The following PCOLCE2 variants were observed in gnomAD, a reference collection of about 807,000 sequenced individuals.
The protein encoded by PCOLCE2 is procollagen C-endopeptidase enhancer 2, also known as procollagen C-proteinase enhancer 2.
A neutral mutation model predicts 47.0 loss-of-function variants in PCOLCE2; 42 were observed. The observed-to-expected ratio is 0.89, with a 90% CI of 0.70 to 1.16. The LOEUF (loss-of-function observed/expected upper bound fraction) is 1.16, where lower values mean the gene tolerates loss of function less well. PCOLCE2 is among the 50% of genes most tolerant of loss of function. PCOLCE2 has a pLI of 0.00. For missense variants in PCOLCE2, 500 were observed against 526.1 expected (o/e 0.95, Z 0.49); for synonymous variants, 169 against 191.7 (o/e 0.88, Z 0.98).
chr3:142,866,948 T>C (rs75904174), intron 2 of PCOLCE2, among the ~76,000 whole-genome samples: 7,005 of 152,266 alleles, frequency 0.046, 195 homozygotes, highest in African/African-American at 0.073. Flanking sequence ...TTGCCGCGTG[T>C]GCAGGTAACA....
chr3:142,819,633 A>T (rs985767863), intron 8 of PCOLCE2, among the ~76,000 whole-genome samples: 3 of 152,128 alleles, frequency 2.0e-5, no homozygotes, highest in Non-Finnish European at 2.9e-5. Context: ...TTCACAGTAA[A>T]GCTTGCTTTA....
At chr3:142,834,985 C>G (rs1408607484) in intron 5 of PCOLCE2, among the ~76,000 whole-genome samples, 2 of 151,736 alleles carry the variant, frequency 1.3e-5, no homozygotes, top group Non-Finnish European at 2.9e-5. Context: ...GATCATTTGG[C>G]AAATATGGCT....
chr3:142,818,812 C>T (rs994183865), intron 8 of PCOLCE2, among the ~76,000 whole-genome samples: 8 of 152,328 alleles, frequency 5.3e-5, no homozygotes, highest in African/African-American at 1.2e-4. Context: ...ATTTCAGCTA[C>T]GCTAACACCA....
intron 2 of PCOLCE2, among the ~76,000 whole-genome samples, chr3:142,860,428 G>C (rs1250577975): frequency 7.3e-6 from 1 of 136,656 alleles, no homozygotes; most frequent in African/African-American, 3.6e-5. Context: ...TTGCCTTTTT[G>C]TTGTTGTTGT....
chr3:142,887,673 ATTT>A lies in PCOLCE2; in HGVS notation c.185_187del (p.Lys62del). 6.5e-7 allele frequency: 1 copy of A among 1,536,404 alleles called. No homozygotes were observed. The highest frequency in any genetic ancestry group is 9.0e-7 in the Non-Finnish European group (1 of 1,109,586). Reference sequence around the variant, plus strand: ...ACCTTTTTAAAAAATGCTTACTGTGATTTTCCAAGTACATTTGCTATTTGGAGG... The same window carrying A: ...ACCTTTTTAAAAAATGCTTACTGTGATCCAAGTACATTTGCTATTTGGAGG... On this transcript the variant is annotated inframe_deletion, in exon 2 of 9. Transcript: ENST00000295992.
rs893883 is a variant in PCOLCE2, at chr3:142,848,485, G to A, written c.193-13C>T. ...TTCCTTCGGGAACCTGCCAAGAAAA[G>A]CGCCAATTAGAAAACTGTCATGAAA... On this transcript the variant is annotated splice_polypyrimidine_tract_variant and intron_variant, in intron 2 of 8. Coordinates refer to ENST00000295992, the MANE Select transcript of PCOLCE2 (RefSeq NM_013363.4). The A allele has an allele frequency of 0.63, 1,004,512 of 1,583,462 alleles. 324,155 individuals carry two copies. The highest frequency in any genetic ancestry group is 0.66 in the Non-Finnish European group (770,499 of 1,159,256).
intron 2 of PCOLCE2, among the ~76,000 whole-genome samples, chr3:142,860,228 A>G (rs140196752): frequency 1.4e-4 from 22 of 152,236 alleles, no homozygotes; most frequent in African/African-American, 5.1e-4. Flanking sequence ...AATATATTAT[A>G]TGCTTATGCT....
At chr3:142,848,582 T>A in intron 2 of PCOLCE2, 110 bp from the exon 3 acceptor site, 1 of 973,852 alleles carries the variant, frequency 1.0e-6, no homozygotes, top group Non-Finnish European at 1.5e-6. Context: ...ATAATGCTTT[T>A]TCCTCTCTCA....
At position 142,842,980 on chromosome 3, in the gene PCOLCE2, G is replaced by T. The variant is rs762365871; in HGVS notation, c.517C>A (p.Arg173=). The T allele has an allele frequency of 6.2e-7, 1 of 1,613,872 alleles. No homozygotes were observed. Among genetic ancestry groups the T allele is most frequent in the Admixed American group, 1.7e-5 (1 of 60,020 alleles). ...CAAGTGACTCCTGCAGGGTAATCCCGGTCTGGCCAGTTGGGGGTTTTAAAA... is the reference window on the plus strand; with the variant it reads ...CAAGTGACTCCTGCAGGGTAATCCCTGTCTGGCCAGTTGGGGGTTTTAAAA... ...GSFKTPNWPD[R]DYPAGVTCVW... is the part of the protein sequence containing the mutation. The change falls in exon 4 of 9, where the codon CGG becomes AGG. Residue 173 remains arginine, a synonymous_variant. Transcript: ENST00000295992. The surrounding 1 kb of genome is among the most constrained non-coding windows in gnomAD (Gnocchi z 4.1).
chr3:142,831,272 A>G (rs1351425050), intron 5 of PCOLCE2, among the ~76,000 whole-genome samples: 1 of 152,204 alleles, frequency 6.6e-6, no homozygotes, highest in Non-Finnish European at 1.5e-5. Flanking sequence ...ATTAATGGGC[A>G]ATCACGGGAG....
intron 7 of PCOLCE2, among the ~76,000 whole-genome samples, chr3:142,822,397 A>C (rs887610984): frequency 1.3e-5 from 2 of 152,164 alleles, no homozygotes; most frequent in Non-Finnish European, 2.9e-5. Context: ...GTAAGCGGTC[A>C]CATTAATGGA....
chr3:142,818,149 G>A lies in PCOLCE2; in HGVS notation c.*186C>T, dbSNP rs1439721064. On this transcript the variant is annotated 3_prime_UTR_variant, in exon 9 of 9. Transcript: ENST00000295992. Reference sequence around the variant, plus strand: ...TCAGATAGCTGCTCCTCTGACAGCAGGCAAAGAACTTCCCTCAGCTATCTC... The same window carrying A: ...TCAGATAGCTGCTCCTCTGACAGCAAGCAAAGAACTTCCCTCAGCTATCTC... 1 of 508,056 alleles carries A rather than the reference G, an allele frequency of 2.0e-6. No homozygotes were observed. The allele number at this position is 508,056 out of a possible 1,614,324, so 31.5% of individuals were successfully genotyped here. A position where few individuals can be genotyped will look rare whatever the true frequency, so the allele number is the denominator to read the frequency against.
In PCOLCE2 at chr3:142,848,476, C is replaced by T. The variant is rs1378778009; in HGVS notation, c.193-4G>A. ...CGACTACTTTTCCTTCGGGAACCTGCCAAGAAAAGCGCCAATTAGAAAACT... is the reference window on the plus strand; with the variant it reads ...CGACTACTTTTCCTTCGGGAACCTGTCAAGAAAAGCGCCAATTAGAAAACT... On this transcript the variant is annotated splice_polypyrimidine_tract_variant and splice_region_variant and intron_variant, in intron 2 of 8. Coordinates refer to ENST00000295992, the MANE Select transcript of PCOLCE2 (RefSeq NM_013363.4). The T allele has an allele frequency of 1.3e-6, 2 of 1,592,622 alleles. No individual in the cohort carries two copies. Among genetic ancestry groups the T allele is most frequent in the Non-Finnish European group, 1.7e-6 (2 of 1,165,398 alleles).
At chr3:142,834,255 G>C (rs1236272265) in intron 5 of PCOLCE2, among the ~76,000 whole-genome samples, 1 of 152,126 alleles carries the variant, frequency 6.6e-6, no homozygotes, top group African/African-American at 2.4e-5. Flanking sequence ...TTCTCCTTCA[G>C]AACTGTCTTA....
chr3:142,848,729 G>T (rs1937356969), intron 2 of PCOLCE2, among the ~76,000 whole-genome samples: 2 of 152,114 alleles, frequency 1.3e-5, no homozygotes, highest in African/African-American at 4.8e-5. Flanking sequence ...CAACAAAGCT[G>T]CAAAATATTA....
At position 142,866,515 on chromosome 3, in the gene PCOLCE2, A is replaced by G. The variant is rs148110014; in HGVS notation, c.193-18043T>C. Among the ~76,000 whole-genome samples the G allele has an allele frequency of 2.1e-3, 326 of 152,292 alleles. 1 individual carries two copies. Among genetic ancestry groups the G allele is most frequent in the African/African-American group, 6.4e-3 (264 of 41,554 alleles). The stretch of plus-strand genomic sequence containing the variant: ...ATCAATCAATCAATAATAAATAAAT[A>G]AAATATTTTGACTGTTTCTCTGGAG... On this transcript the variant is annotated intron_variant, in intron 2 of 8. Coordinates refer to ENST00000295992, the MANE Select transcript of PCOLCE2 (RefSeq NM_013363.4).
At chr3:142,839,111 A>G (rs1401959714) in intron 4 of PCOLCE2, among the ~76,000 whole-genome samples, 4 of 152,172 alleles carry the variant, frequency 2.6e-5, no homozygotes, top group Admixed American at 6.5e-5. Flanking sequence ...TAATCTTTCC[A>G]AAAGATCATC....
chr3:142,827,231 C>T (rs577038774), intron 6 of PCOLCE2: 1 of 1,227,924 alleles, frequency 8.1e-7, no homozygotes, highest in Admixed American at 1.7e-5. Context: ...GTGGTTGCCA[C>T]CTCCAAAAGG....
At chr3:142,830,198 C>T (rs182930776) in intron 5 of PCOLCE2, among the ~76,000 whole-genome samples, 1 of 152,292 alleles carries the variant, frequency 6.6e-6, no homozygotes, top group East Asian at 1.9e-4. Context: ...CCAGATAACT[C>T]TAGAGACTGT....
Sources: gnomAD v4.1 joint callset for allele counts (sites outside exome capture counted in the v4.1 genomes callset) on GRCh38, gnomAD v4.1.1 for gene constraint, Gnocchi (gnomAD v3.1) non-coding constraint, MANE v1.5 for transcripts, NCBI Gene and HGNC (gene_info 2026-07-23, HGNC 2026-07-21) for gene names.